DLG2: variants seen among roughly 807,000 people sequenced by gnomAD.
The protein encoded by DLG2 is discs large MAGUK scaffold protein 2, also known as disks large homolog 2.
A neutral mutation model predicts 132.5 loss-of-function variants in DLG2; 45 were observed. The ratio of observed to expected loss-of-function variants is 0.34; its 90% CI spans 0.27 to 0.44. DLG2 has a LOEUF of 0.44. DLG2 is among the 20% of genes least tolerant of loss of function. DLG2 has a pLI of 1.00. For missense variants in DLG2, 1,045 were observed against 1,196.9 expected, an observed-to-expected ratio of 0.87 and a Z score of 1.87; for synonymous variants, 424 against 419.6, an observed-to-expected ratio of 1.01 and a Z score of -0.13.
chr11:83,821,887 C>T (rs118086238), intron 17 of DLG2, among the ~76,000 whole-genome samples: 2,133 of 152,258 alleles, frequency 0.014, 18 homozygotes, highest in Non-Finnish European at 0.021. Flanking sequence ...ACTCTACCCT[C>T]AAGTTCCCAT....
chr11:85,589,125 T>C (rs865800363), intron 3 of DLG2, among the ~76,000 whole-genome samples: 1 of 152,212 alleles, frequency 6.6e-6, no homozygotes, highest in Non-Finnish European at 1.5e-5. Context: ...ATATGTTTAG[T>C]GTGCTGGCTT....
intron 3 of DLG2, among the ~76,000 whole-genome samples, chr11:85,537,890 G>A: frequency 6.6e-6 from 1 of 151,982 alleles, no homozygotes; most frequent in Non-Finnish European, 1.5e-5. Context: ...GCCCAGGTGG[G>A]TGGATCATGA....
intron 3 of DLG2, among the ~76,000 whole-genome samples, chr11:85,402,891 T>G (rs1399096983): frequency 3.9e-5 from 6 of 152,074 alleles, no homozygotes; most frequent in Non-Finnish European, 7.4e-5. Flanking sequence ...TACACTGTTG[T>G]TGGGACTGTA....
rs2079913326 is a variant in DLG2, at chr11:83,930,346, G to C, written c.1478C>G (p.Pro493Arg). Residue 493 changes from proline to arginine, a missense_variant, in exon 15 of 28, where the codon CCT (proline) becomes CGT (arginine). Physicochemically the swap from Pro to Arg is moderately radical, Grantham distance 103. Around this residue, in one of 4 missense-constraint regions of DLG2, gnomAD observed 261 missense variants for 256.1 expected, o/e 1.02. Coordinates refer to ENST00000376104, the MANE Select transcript of DLG2 (RefSeq NM_001142699.3). ...GCAGTACCTGGTCATCTCAGAGTCA[G>C]GTAGCAGGCCTAGGTGGTAGTGGGA... ...PYSHYHLGLL[P>R]DSEMTSHSQH... 1.9e-6 allele frequency: 3 copies of C among 1,613,952 alleles called. No homozygotes were observed. The highest frequency in any genetic ancestry group is 2.5e-6 in the Non-Finnish European group (3 of 1,179,904).
intron 7 of DLG2, among the ~76,000 whole-genome samples, chr11:84,300,284 GTCTACT>G (rs1293413174): frequency 6.6e-6 from 1 of 152,046 alleles, no homozygotes; most frequent in East Asian, 1.9e-4. Context: ...CAGATAGCCT[GTCTACT>G]TCTGTCTGTT....
chr11:84,169,921 A>C (rs78384281), intron 8 of DLG2, among the ~76,000 whole-genome samples: 2,879 of 151,842 alleles, frequency 0.019, 67 homozygotes, highest in African/African-American at 0.064. Flanking sequence ...TCTTGTGTAT[A>C]CTCACTTTTC....
At chr11:85,173,119 G>T (rs2078993008) in intron 4 of DLG2, among the ~76,000 whole-genome samples, 1 of 151,946 alleles carries the variant, frequency 6.6e-6, no homozygotes, top group African/African-American at 2.4e-5. Context: ...AAAATCCAGG[G>T]AACCCCAGTA....
intron 6 of DLG2, among the ~76,000 whole-genome samples, chr11:84,703,881 T>TATATATATATATATATACATATAC (rs1039735623): frequency 8.1e-6 from 1 of 122,746 alleles, no homozygotes; most frequent in Non-Finnish European, 1.6e-5. Context: ...TATATATATA[T>TATATATATATATATATACATATAC]ATACACGTGT....
At chr11:85,454,453 T>C (rs1017128460) in intron 3 of DLG2, among the ~76,000 whole-genome samples, 8 of 152,308 alleles carry the variant, frequency 5.3e-5, no homozygotes, top group Admixed American at 3.9e-4. Context: ...ATACATAGTT[T>C]GCAAATATTT....
At chr11:84,645,977 C>T (rs2099674450) in intron 6 of DLG2, among the ~76,000 whole-genome samples, 1 of 152,198 alleles carries the variant, frequency 6.6e-6, no homozygotes, top group Admixed American at 6.5e-5. Flanking sequence ...ATTTCTTCCA[C>T]AATGATGATG....
At chr11:84,628,242 TTCTC>T (rs2099626094) in intron 6 of DLG2, among the ~76,000 whole-genome samples, 1 of 152,068 alleles carries the variant, frequency 6.6e-6, no homozygotes, top group Non-Finnish European at 1.5e-5. Context: ...TATTCCTTCT[TTCTC>T]TCTATCCTCC....
intron 7 of DLG2, among the ~76,000 whole-genome samples, chr11:84,487,423 T>A (rs2099153881): frequency 6.6e-6 from 1 of 151,992 alleles, no homozygotes; most frequent in Non-Finnish European, 1.5e-5. Flanking sequence ...AAGAATAGAG[T>A]AACAGAAAAA....
At position 84,026,922 on chromosome 11, in the gene DLG2, G is replaced by A. The variant is rs73511951; in HGVS notation, c.919+32393C>T. 5.4e-3 allele frequency among the ~76,000 whole-genome samples: 820 copies of A among 152,100 alleles called. 7 individuals are homozygous for A. Among genetic ancestry groups the A allele is most frequent in the African/African-American group, 0.019 (791 of 41,520 alleles). On this transcript the variant is annotated intron_variant, in intron 11 of 27. Transcript: ENST00000376104. ...GGCATTAAGAAAAAGCTCAAAAAGC[G>A]TTTTATATCTGTAGAATTATTATTT...
At chr11:85,196,567 GT>G (rs746961809) in intron 4 of DLG2, among the ~76,000 whole-genome samples, 4 of 152,290 alleles carry the variant, frequency 2.6e-5, no homozygotes, top group Admixed American at 6.5e-5. Context: ...AAAGTGGGAA[GT>G]TTAAAATTAT....
chr11:84,943,492 A>G (rs890701360), intron 6 of DLG2, among the ~76,000 whole-genome samples: 1 of 151,254 alleles, frequency 6.6e-6, no homozygotes, highest in African/African-American at 2.4e-5. Context: ...TATTTTGTGT[A>G]TCTGTTGTAG....
intron 4 of DLG2, among the ~76,000 whole-genome samples, chr11:85,260,235 T>C (rs1430033909): frequency 6.6e-6 from 1 of 152,218 alleles, no homozygotes; most frequent in African/African-American, 2.4e-5. Flanking sequence ...ACAGTATAAG[T>C]ACTCAGGCAC....
At chr11:85,439,036 G>A (rs2091639253) in intron 3 of DLG2, among the ~76,000 whole-genome samples, 1 of 152,020 alleles carries the variant, frequency 6.6e-6, no homozygotes, top group African/African-American at 2.4e-5. Flanking sequence ...CCTTTTTGTT[G>A]CTGAGTAGTA....
chr11:84,862,818 G>T (rs961208400), intron 6 of DLG2, among the ~76,000 whole-genome samples: 1 of 15,346 alleles, frequency 6.5e-5, no homozygotes, highest in African/African-American at 2.9e-4. Flanking sequence ...AGGTCCTGTC[G>T]GGGGGGGGGG....
chr11:84,443,711 C>A (rs2099024265), intron 7 of DLG2, among the ~76,000 whole-genome samples: 1 of 151,920 alleles, frequency 6.6e-6, no homozygotes. Context: ...CTGTTCATAC[C>A]CCTTGCCCAT....
Sources: allele counts gnomAD v4.1 joint callset (sites outside exome capture counted in the v4.1 genomes callset), GRCh38; gene constraint gnomAD v4.1.1; regional missense constraint gnomAD v4.1.1; transcripts MANE v1.5; gene names NCBI Gene and HGNC (gene_info 2026-07-23, HGNC 2026-07-21).